The following STAC variants were observed in gnomAD, a reference collection of about 807,000 sequenced individuals.
STAC encodes SH3 and cysteine rich domain.
Under a neutral mutation model 48.8 loss-of-function variants are expected in STAC, and 43 were observed. The observed-to-expected ratio is 0.88, with a 90% CI of 0.69 to 1.14. STAC has a LOEUF of 1.14. Among genes scored for constraint, STAC ranks in the 50% most tolerant of loss-of-function variants. The pLI is 0.00. For missense variants in STAC, 497 were observed against 504.0 expected (o/e 0.99, Z 0.13); for synonymous variants, 193 against 179.5 (o/e 1.07, Z -0.60).
intron 10 of STAC, among the ~76,000 whole-genome samples, chr3:36,538,815 A>G (rs1442552016): frequency 1.3e-5 from 2 of 152,122 alleles, no homozygotes; most frequent in African/African-American, 2.4e-5. Flanking sequence ...TACTTTGCCC[A>G]TTTTCTTACA....
intron 6 of STAC, among the ~76,000 whole-genome samples, chr3:36,500,148 C>T (rs1157733115): frequency 1.3e-5 from 2 of 152,180 alleles, no homozygotes; most frequent in African/African-American, 4.8e-5. Context: ...TTTGATGACA[C>T]ATTTGACAAT....
intron 8 of STAC, among the ~76,000 whole-genome samples, chr3:36,521,361 T>C (rs970799116): frequency 2.0e-5 from 3 of 152,100 alleles, no homozygotes; most frequent in Non-Finnish European, 4.4e-5. Context: ...TGGTGAAATC[T>C]CTCTTAGCCT....
At chr3:36,519,019 A>G (rs1470695430) in intron 8 of STAC, among the ~76,000 whole-genome samples, 5 of 152,258 alleles carry the variant, frequency 3.3e-5, no homozygotes, top group Admixed American at 1.3e-4. Flanking sequence ...AGGGACGTGA[A>G]AGAAGCTGGG....
intron 2 of STAC, among the ~76,000 whole-genome samples, chr3:36,476,782 C>A (rs1173936729): frequency 6.6e-6 from 1 of 152,176 alleles, no homozygotes; most frequent in Non-Finnish European, 1.5e-5. Context: ...CTCTTGTCTG[C>A]CTTGGCACTG....
intron 8 of STAC, among the ~76,000 whole-genome samples, chr3:36,524,027 T>C (rs890020036): frequency 1.3e-5 from 2 of 152,244 alleles, no homozygotes; most frequent in African/African-American, 2.4e-5. Flanking sequence ...AGATTATGTA[T>C]GGCAGGCTGT....
intron 6 of STAC, among the ~76,000 whole-genome samples, chr3:36,503,591 G>A (rs895387931): frequency 1.3e-5 from 2 of 151,980 alleles, no homozygotes; most frequent in Admixed American, 6.6e-5. Flanking sequence ...ATGCCACCAT[G>A]CTCAGCTAAT....
At chr3:36,483,441 A>C (rs901726965) in intron 3 of STAC, among the ~76,000 whole-genome samples, 5 of 152,220 alleles carry the variant, frequency 3.3e-5, no homozygotes, top group African/African-American at 1.2e-4. Flanking sequence ...AGTCCCAGGC[A>C]AACTAATGGT....
intron 6 of STAC, among the ~76,000 whole-genome samples, chr3:36,495,581 C>G (rs1009691606): frequency 3.3e-5 from 5 of 152,274 alleles, no homozygotes; most frequent in Admixed American, 3.3e-4. Context: ...GTGCTCACTG[C>G]TTAACTCTCT....
intron 3 of STAC, 84 bp downstream of exon 3, chr3:36,483,176 C>T (rs1178991409): frequency 4.6e-6 from 5 of 1,076,766 alleles, no homozygotes; most frequent in Non-Finnish European, 5.5e-6. Context: ...CTCCAAAATC[C>T]TTCCCTGAAA....
At chr3:36,383,902 A>C (rs1213964409) in intron 1 of STAC, among the ~76,000 whole-genome samples, 1 of 152,200 alleles carries the variant, frequency 6.6e-6, no homozygotes, top group African/African-American at 2.4e-5. Context: ...CTTACCTACA[A>C]ACCCCGTCTT....
At chr3:36,381,694 C>T (rs567785027) in intron 1 of STAC, among the ~76,000 whole-genome samples, 1 of 152,242 alleles carries the variant, frequency 6.6e-6, no homozygotes, top group East Asian at 1.9e-4. Context: ...AGGAAGACTG[C>T]GATCCTGTCT....
intron 2 of STAC, among the ~76,000 whole-genome samples, chr3:36,474,190 A>T (rs941620019): frequency 3.9e-5 from 6 of 152,190 alleles, no homozygotes; most frequent in African/African-American, 1.4e-4. Context: ...CACATTTGTC[A>T]ACTATGAGAC....
At chr3:36,486,557 T>C (rs1014158493) in intron 5 of STAC, among the ~76,000 whole-genome samples, 1 of 152,206 alleles carries the variant, frequency 6.6e-6, no homozygotes, top group Non-Finnish European at 1.5e-5. Flanking sequence ...TGAGTCAACA[T>C]ACAGAAATGT....
At chr3:36,463,630 C>T (rs969147146) in intron 2 of STAC, among the ~76,000 whole-genome samples, 3 of 151,246 alleles carry the variant, frequency 2.0e-5, no homozygotes, top group African/African-American at 7.3e-5. Flanking sequence ...CGTCATTCAA[C>T]ATTAGGTATA....
At chr3:36,545,144 G>T (rs1411742130) in intron 10 of STAC, among the ~76,000 whole-genome samples, 1 of 152,164 alleles carries the variant, frequency 6.6e-6, no homozygotes, top group Non-Finnish European at 1.5e-5. Flanking sequence ...CTCAGGGAGG[G>T]CCTTATGAGA....
intron 2 of STAC, among the ~76,000 whole-genome samples, chr3:36,455,316 T>C (rs1294928929): frequency 6.6e-6 from 1 of 152,016 alleles, no homozygotes; most frequent in Non-Finnish European, 1.5e-5. Context: ...TTTGGTGAAG[T>C]TTGAGGTGGA....
At chr3:36,522,624 A>G (rs1698833054) in intron 8 of STAC, among the ~76,000 whole-genome samples, 1 of 152,042 alleles carries the variant, frequency 6.6e-6, no homozygotes, top group South Asian at 2.1e-4. Flanking sequence ...GTGAGACAAG[A>G]CTCCTTTTCT....
chr3:36,460,925 T>C (rs115170792), intron 2 of STAC, among the ~76,000 whole-genome samples: 6,311 of 152,176 alleles, frequency 0.041, 201 homozygotes, highest in African/African-American at 0.086. Context: ...AATAATAACA[T>C]TTCCTTTCAA....
intron 1 of STAC, 120 bp downstream of exon 1, chr3:36,380,874 G>A: frequency 1.7e-6 from 1 of 584,648 alleles, no homozygotes; most frequent in South Asian, 2.0e-5. Context: ...AGTTAGCCCA[G>A]GGCTGTAGGA....
Sources: gnomAD v4.1 joint callset for allele counts (sites outside exome capture counted in the v4.1 genomes callset) on GRCh38, gnomAD v4.1.1 for gene constraint, MANE v1.5 for transcripts, NCBI Gene and HGNC (gene_info 2026-07-23, HGNC 2026-07-21) for gene names.